RNF180: variants seen among roughly 807,000 people sequenced by gnomAD.
RNF180 encodes the protein E3 ubiquitin-protein ligase RNF180.
Under a neutral mutation model 59.2 loss-of-function variants are expected in RNF180, and 38 were observed. That is an observed-to-expected ratio of 0.64 (90% CI 0.50 to 0.84). RNF180 has a LOEUF of 0.84. Ranked by LOEUF, RNF180 falls within the 40% of genes least tolerant of loss-of-function variation. The pLI, the probability that RNF180 is intolerant of heterozygous loss-of-function variation, is 0.00. For missense variants in RNF180, 705 were observed against 700.9 expected, an observed-to-expected ratio of 1.01 and a Z score of -0.07; for synonymous variants, 262 against 240.3, an observed-to-expected ratio of 1.09 and a Z score of -0.84.
At chr5:64,265,331 G>A (rs1744594764) in intron 5 of RNF180, among the ~76,000 whole-genome samples, 2 of 152,066 alleles carry the variant, frequency 1.3e-5, no homozygotes, top group South Asian at 4.1e-4. Flanking sequence ...CATTGTCTAT[G>A]TTTTCTTCTA....
intron 7 of RNF180, among the ~76,000 whole-genome samples, chr5:64,346,433 A>G (rs981348859): frequency 2.2e-5 from 3 of 136,008 alleles, no homozygotes; most frequent in Non-Finnish European, 4.5e-5. Flanking sequence ...GCAGTAGCAC[A>G]ATCTCGGCTC....
At chr5:64,181,026 C>T (rs1750547094) in intron 1 of RNF180, among the ~76,000 whole-genome samples, 1 of 152,134 alleles carries the variant, frequency 6.6e-6, no homozygotes, top group South Asian at 2.1e-4. Flanking sequence ...GGTATAGGTC[C>T]AAGAGTCCAA....
chr5:64,176,687 C>T (rs1488673834), intron 1 of RNF180, among the ~76,000 whole-genome samples: 2 of 152,018 alleles, frequency 1.3e-5, no homozygotes, highest in Non-Finnish European at 2.9e-5. Context: ...CTGAATTGTC[C>T]TTATGTTTTA....
chr5:64,317,594 T>TTA (rs149666790), intron 5 of RNF180, among the ~76,000 whole-genome samples: 8,475 of 101,354 alleles, frequency 0.084, 706 homozygotes, highest in African/African-American at 0.28. Flanking sequence ...ATATACATAT[T>TTA]TATACACACA....
chr5:64,198,429 A>G (rs1751563419), intron 1 of RNF180, among the ~76,000 whole-genome samples: 1 of 152,242 alleles, frequency 6.6e-6, no homozygotes, highest in African/African-American at 2.4e-5. Context: ...AACTAGATCT[A>G]TAGATGTAAA....
intron 7 of RNF180, among the ~76,000 whole-genome samples, chr5:64,350,260 G>A (rs1303095567): frequency 6.6e-6 from 1 of 152,040 alleles, no homozygotes; most frequent in African/African-American, 2.4e-5. Context: ...TTGTGATGGG[G>A]TTGTTTTTTT....
intron 1 of RNF180, among the ~76,000 whole-genome samples, chr5:64,173,330 G>GTACTTTTATT (rs1750045126): frequency 6.6e-6 from 1 of 151,930 alleles, no homozygotes; most frequent in Non-Finnish European, 1.5e-5. Context: ...TAATTTCACT[G>GTACTTTTATT]TACTTTTATT....
At chr5:64,366,148 A>G (rs1241774041) in intron 7 of RNF180, among the ~76,000 whole-genome samples, 1 of 151,596 alleles carries the variant, frequency 6.6e-6, no homozygotes, top group Non-Finnish European at 1.5e-5. Context: ...AGGAGATCTT[A>G]TAAGGCTGGT....
At chr5:64,347,423 G>A (rs926387830) in intron 7 of RNF180, among the ~76,000 whole-genome samples, 1 of 152,132 alleles carries the variant, frequency 6.6e-6, no homozygotes, top group Non-Finnish European at 1.5e-5. Context: ...GGAGAAGAGG[G>A]AAGGGGCAGT....
chr5:64,342,461 A>T (rs1264585059), intron 7 of RNF180, among the ~76,000 whole-genome samples: 1 of 152,076 alleles, frequency 6.6e-6, no homozygotes, highest in Non-Finnish European at 1.5e-5. Flanking sequence ...CATATAGCCG[A>T]TTTTCTACAT....
At chr5:64,285,918 C>G (rs1742261185) in intron 5 of RNF180, among the ~76,000 whole-genome samples, 1 of 152,152 alleles carries the variant, frequency 6.6e-6, no homozygotes, top group East Asian at 1.9e-4. Flanking sequence ...AGCAGCTCTC[C>G]CTGCCAGCTG....
chr5:64,213,423 C>A, intron 3 of RNF180, 135 bp from the exon 4 acceptor site: 1 of 732,508 alleles, frequency 1.4e-6, no homozygotes, highest in Non-Finnish European at 2.3e-6. Context: ...GTTCAGTCTA[C>A]TAATCAGAAA....
intron 5 of RNF180, among the ~76,000 whole-genome samples, chr5:64,304,692 A>G (rs992327013): frequency 3.3e-5 from 5 of 151,732 alleles, no homozygotes; most frequent in African/African-American, 7.2e-5. Context: ...GATGGAATCT[A>G]TTCCTGGTGA....
At chr5:64,227,537 G>A (rs1741844178) in intron 5 of RNF180, among the ~76,000 whole-genome samples, 1 of 152,306 alleles carries the variant, frequency 6.6e-6, no homozygotes, top group Admixed American at 6.5e-5. Flanking sequence ...GTGGGGCCTG[G>A]CCTCAGAAAG....
At chr5:64,303,284 T>C (rs960503475) in intron 5 of RNF180, among the ~76,000 whole-genome samples, 2 of 151,540 alleles carry the variant, frequency 1.3e-5, no homozygotes, top group African/African-American at 4.8e-5. Flanking sequence ...GACTAATTAA[T>C]AACCCTACAG....
chr5:64,340,246 TACTC>T (rs140189659), intron 7 of RNF180, among the ~76,000 whole-genome samples: 51 of 152,322 alleles, frequency 3.3e-4, no homozygotes, highest in African/African-American at 1.0e-3. Context: ...TTTCTAAACA[TACTC>T]AAGTCAAAGG....
At chr5:64,248,899 A>G in intron 5 of RNF180, among the ~76,000 whole-genome samples, 1 of 152,236 alleles carries the variant, frequency 6.6e-6, no homozygotes, top group East Asian at 1.9e-4. Context: ...TGTGGCACAT[A>G]TACATCATGG....
chr5:64,210,655 A>T (rs1271949769), intron 2 of RNF180, among the ~76,000 whole-genome samples: 1 of 152,122 alleles, frequency 6.6e-6, no homozygotes, highest in Non-Finnish European at 1.5e-5. Flanking sequence ...TTAGTCTGTC[A>T]TATGCTTATC....
At chr5:64,314,897 T>C (rs1743961503) in intron 5 of RNF180, among the ~76,000 whole-genome samples, 1 of 152,184 alleles carries the variant, frequency 6.6e-6, no homozygotes, top group Non-Finnish European at 1.5e-5. Flanking sequence ...TTGTGGATAT[T>C]TGTCTTTGAT....
Sources: allele counts gnomAD v4.1 joint callset (sites outside exome capture counted in the v4.1 genomes callset), GRCh38; gene constraint gnomAD v4.1.1; transcripts MANE v1.5; gene names NCBI Gene and HGNC (gene_info 2026-07-23, HGNC 2026-07-21).